Variants in STK32B observed in about 807,000 individuals in gnomAD.
STK32B encodes serine/threonine kinase 32B.
Under a neutral mutation model 52.6 loss-of-function variants are expected in STK32B, and 43 were observed. The observed-to-expected ratio is 0.82, with a 90% CI of 0.64 to 1.05. The LOEUF is 1.05. Ranked by LOEUF, STK32B falls within the 50% of genes least tolerant of loss-of-function variation. The probability of loss-of-function intolerance (pLI) is 0.00; values close to 1 mark genes in which losing one functional copy is unlikely to be tolerated. For synonymous variants in STK32B, 238 were observed against 204.3 expected (o/e 1.17, Z -1.41); for missense variants, 621 against 534.6 (o/e 1.16, Z -1.59).
At chr4:5,088,966 A>G (rs1481427777) in intron 1 of STK32B, among the ~76,000 whole-genome samples, 1 of 151,832 alleles carries the variant, frequency 6.6e-6, no homozygotes, top group Non-Finnish European at 1.5e-5. Context: ...TAAAGGAACT[A>G]GAGAAGGTTA....
intron 1 of STK32B, among the ~76,000 whole-genome samples, chr4:5,109,281 G>T (rs1714266194): frequency 6.6e-6 from 1 of 152,216 alleles, no homozygotes; most frequent in African/African-American, 2.4e-5. Flanking sequence ...GCCAGGGCTA[G>T]TTATTCATTC....
Position 5,295,688 on chromosome 4 carries a change from C to T in STK32B, c.261-35532C>T, listed in dbSNP as rs150643120. Reference sequence around the variant, plus strand: ...TTTTCCTCTTCATTAGTCTGGCTAGCGGGCTATTTTGTTAATCTTTTCAAA... The same window carrying T: ...TTTTCCTCTTCATTAGTCTGGCTAGTGGGCTATTTTGTTAATCTTTTCAAA... On this transcript the variant is annotated intron_variant, in intron 3 of 11. Transcript: ENST00000282908. Among the ~76,000 whole-genome samples the T allele has an allele frequency of 0.011, 1,610 of 151,780 alleles. 53 individuals carry two copies. In the East Asian group the frequency reaches 0.11, roughly 11 times the overall value.
At chr4:5,457,166 A>G (rs1010391130) in intron 8 of STK32B, among the ~76,000 whole-genome samples, 3 of 150,788 alleles carry the variant, frequency 2.0e-5, no homozygotes, top group African/African-American at 7.3e-5. Context: ...TCACTCTGCT[A>G]CGAGCTCCTA....
At chr4:5,451,998 C>G (rs1399387326) in intron 7 of STK32B, among the ~76,000 whole-genome samples, 1 of 152,138 alleles carries the variant, frequency 6.6e-6, no homozygotes, top group African/African-American at 2.4e-5. Flanking sequence ...ACTTTAGCAC[C>G]CTTCAACCAC....
At chr4:5,461,755 G>C (rs945669327) in intron 9 of STK32B, among the ~76,000 whole-genome samples, 2 of 152,162 alleles carry the variant, frequency 1.3e-5, no homozygotes, top group African/African-American at 4.8e-5. Flanking sequence ...ACAGGGCTTC[G>C]TCCTTCATTC....
At chr4:5,481,776 G>C (rs1410164817) in intron 11 of STK32B, among the ~76,000 whole-genome samples, 11 of 152,136 alleles carry the variant, frequency 7.2e-5, no homozygotes, top group African/African-American at 2.7e-4. Context: ...GTGTAAGGAA[G>C]GGATCCAGTT....
chr4:5,027,142 A>G, the STK32B span, among the ~76,000 whole-genome samples: 2 of 152,160 alleles, frequency 1.3e-5, no homozygotes, highest in African/African-American at 4.8e-5. Context: ...AAAGTAACAC[A>G]TCTTCCCCTG....
intron 11 of STK32B, among the ~76,000 whole-genome samples, chr4:5,483,001 G>A (rs1238266733): frequency 6.6e-6 from 1 of 152,158 alleles, no homozygotes; most frequent in Non-Finnish European, 1.5e-5. Context: ...GTATTTTACT[G>A]AGGATTTTTG....
chr4:5,287,789 AATTC>A (rs1222752463), intron 3 of STK32B, among the ~76,000 whole-genome samples: 1 of 152,194 alleles, frequency 6.6e-6, no homozygotes, highest in Admixed American at 6.5e-5. Context: ...CATGCCATAA[AATTC>A]ATCATTTTAA....
chr4:5,293,424 T>C (rs1729009167), intron 3 of STK32B, among the ~76,000 whole-genome samples: 1 of 152,176 alleles, frequency 6.6e-6, no homozygotes, highest in Admixed American at 6.5e-5. Flanking sequence ...AAAGCGTTCC[T>C]ATTTCTCCAC....
intron 3 of STK32B, among the ~76,000 whole-genome samples, chr4:5,282,560 TGTG>T (rs373200114): frequency 1.3e-5 from 2 of 152,242 alleles, no homozygotes; most frequent in African/African-American, 4.8e-5. Flanking sequence ...TTCTTCTTCT[TGTG>T]GTGATGTGAG....
intron 7 of STK32B, among the ~76,000 whole-genome samples, chr4:5,454,337 G>T (rs1716302145): frequency 6.6e-6 from 1 of 152,132 alleles, no homozygotes; most frequent in African/African-American, 2.4e-5. Flanking sequence ...GAGATGAAGT[G>T]GTTGGCAGGG....
At chr4:5,030,300 G>A in the STK32B span, among the ~76,000 whole-genome samples, 16 of 152,346 alleles carry the variant, frequency 1.1e-4, no homozygotes, top group African/African-American at 3.6e-4. Flanking sequence ...TTCTAAGGAT[G>A]TGTCAATTTC....
At chr4:5,315,413 A>G (rs530462653) in intron 3 of STK32B, among the ~76,000 whole-genome samples, 1 of 149,734 alleles carries the variant, frequency 6.7e-6, no homozygotes, top group Non-Finnish European at 1.5e-5. Flanking sequence ...AACAGTAACA[A>G]TAATACTCAG....
chr4:5,381,454 C>T (rs980335056), intron 4 of STK32B, among the ~76,000 whole-genome samples: 1 of 152,176 alleles, frequency 6.6e-6, no homozygotes, highest in African/African-American at 2.4e-5. Flanking sequence ...TCATCTGCAG[C>T]ACTAACACAG....
chr4:5,024,486 A>G, the STK32B span, among the ~76,000 whole-genome samples: 1 of 152,212 alleles, frequency 6.6e-6, no homozygotes, highest in Non-Finnish European at 1.5e-5. Flanking sequence ...GCCACTGGTC[A>G]TGCTTCTTGG....
At chr4:5,077,265 A>G (rs1054732325) in intron 1 of STK32B, among the ~76,000 whole-genome samples, 2 of 152,120 alleles carry the variant, frequency 1.3e-5, no homozygotes, top group African/African-American at 2.4e-5. Context: ...ATAAAGCGGA[A>G]TATCAGCAGA....
intron 4 of STK32B, among the ~76,000 whole-genome samples, chr4:5,356,238 A>C (rs1460195860): frequency 6.6e-6 from 1 of 152,078 alleles, no homozygotes; most frequent in African/African-American, 2.4e-5. Context: ...TTCTACCTCC[A>C]TCCTCACATG....
rs3072775 is a variant in STK32B at position 5,059,052 on chromosome 4, CTTTTTTTTTTTT to C, written c.52+7155_52+7166del. Among the ~76,000 whole-genome samples the C allele has an allele frequency of 4.7e-4, 41 of 86,924 alleles. 1 individual carries two copies. The East Asian group carries it at 0.013, about 27-fold the overall frequency. 57.0% of individuals were successfully genotyped at this position (86,924 alleles called of 152,430 possible). A position where few individuals can be genotyped will look rare whatever the true frequency, so the allele number is the denominator to read the frequency against. On this transcript the variant is annotated intron_variant, in intron 1 of 11. Transcript: ENST00000282908. ...AGGCGTGAGCCACCACGCCCAGCTGCTTTTTTTTTTTTTTTTTTTTTTTTTTTTTGTAGAGCT... is the reference window on the plus strand; with the variant it reads ...AGGCGTGAGCCACCACGCCCAGCTGCTTTTTTTTTTTTTTTTTGTAGAGCT...
Sources: gnomAD v4.1 joint callset for allele counts (sites outside exome capture counted in the v4.1 genomes callset) on GRCh38, gnomAD v4.1.1 for gene constraint, MANE v1.5 for transcripts, NCBI Gene and HGNC (gene_info 2026-07-23, HGNC 2026-07-21) for gene names.